The following CFAP47 variants were observed in gnomAD, a reference collection of about 807,000 sequenced individuals.
The protein encoded by CFAP47 is cilia and flagella associated protein 47, also known as cilia- and flagella-associated protein 47.
Under a neutral mutation model 148.1 loss-of-function variants are expected in CFAP47, and 29 were observed. The ratio of observed to expected loss-of-function variants is 0.20; its 90% confidence interval spans 0.15 to 0.27. The LOEUF (loss-of-function observed/expected upper bound fraction) is 0.27, where lower values mean the gene tolerates loss of function less well. CFAP47 is among the 10% of genes least tolerant of loss of function. CFAP47 has a pLI of 1.00. For synonymous variants in CFAP47, 664 were observed against 577.3 expected, an observed-to-expected ratio of 1.15 and a Z score of -2.15; for missense variants, 1,872 against 1,697.5, an observed-to-expected ratio of 1.10 and a Z score of -1.81.
At chrX:36,183,650 A>G (rs1213600313) in intron 40 of CFAP47, among the ~76,000 whole-genome samples, 1 of 112,254 alleles carries the variant, frequency 8.9e-6, no homozygotes, top group East Asian at 2.8e-4. Flanking sequence ...TTTGTAAGCA[A>G]TCAGATACAT....
chrX:36,103,300 C>T (rs1938406060), intron 32 of CFAP47, among the ~76,000 whole-genome samples: 1 of 107,609 alleles, frequency 9.3e-6, no homozygotes, highest in Non-Finnish European at 1.9e-5. Flanking sequence ...TCGCTGTGGG[C>T]AACTGAAGCT....
intron 3 of CFAP47, among the ~76,000 whole-genome samples, chrX:35,943,497 T>A (rs1467125895): frequency 9.0e-6 from 1 of 111,502 alleles, no homozygotes; most frequent in Non-Finnish European, 1.9e-5. Context: ...TAAACATCCA[T>A]GGATCTAGCC....
At chrX:36,221,764 C>T (rs1397746112) in intron 45 of CFAP47, among the ~76,000 whole-genome samples, 2 of 110,940 alleles carry the variant, frequency 1.8e-5, no homozygotes, top group African/African-American at 6.5e-5. Flanking sequence ...AAAAATCCAA[C>T]TTAGAGAAGA....
chrX:36,310,791 G>A (rs1556009775), intron 55 of CFAP47, 42 bp from the exon 56 acceptor site: 6 of 955,487 alleles, frequency 6.3e-6, no homozygotes, highest in Middle Eastern at 2.7e-4. Flanking sequence ...TAAAATATAT[G>A]CAGTTAGGAC....
intron 8 of CFAP47, among the ~76,000 whole-genome samples, chrX:35,965,966 G>A (rs1466940547): frequency 9.1e-6 from 1 of 109,718 alleles, no homozygotes; most frequent in African/African-American, 3.3e-5. Context: ...AATACTCCTT[G>A]GATTTTTGTG....
chrX:36,344,186 T>C (rs1941676710), intron 57 of CFAP47, among the ~76,000 whole-genome samples: 1 of 98,985 alleles, frequency 1.0e-5, no homozygotes, highest in African/African-American at 3.9e-5. Flanking sequence ...CATATGTAAC[T>C]AACCTGCACA....
At chrX:36,217,283 T>G (rs1191291609) in intron 45 of CFAP47, among the ~76,000 whole-genome samples, 2 of 111,769 alleles carry the variant, frequency 1.8e-5, no homozygotes, top group African/African-American at 6.5e-5. Flanking sequence ...CCTAGTTTGT[T>G]TCTGCCAGCT....
chrX:35,989,527 C>G (rs201563675), intron 16 of CFAP47, 78 bp downstream of exon 16: 2 of 1,204,229 alleles, frequency 1.7e-6, no homozygotes. Context: ...ATATAGTTAC[C>G]TATATCTAGA....
chrX:35,994,414 C>A (rs767398899), intron 18 of CFAP47, among the ~76,000 whole-genome samples: 1 of 111,685 alleles, frequency 9.0e-6, no homozygotes, highest in African/African-American at 3.2e-5. Flanking sequence ...TTTGTATTTA[C>A]TCACATTAAA....
At chrX:36,067,579 C>T (rs1937659760) in intron 27 of CFAP47, among the ~76,000 whole-genome samples, 3 of 111,161 alleles carry the variant, frequency 2.7e-5, no homozygotes, top group Admixed American at 9.6e-5. Flanking sequence ...AGGGTTGTTG[C>T]AGGGGTTTCT....
At chrX:36,013,115 C>A (rs1937057778) in intron 21 of CFAP47, among the ~76,000 whole-genome samples, 1 of 111,394 alleles carries the variant, frequency 9.0e-6, no homozygotes, top group Non-Finnish European at 1.9e-5. Context: ...TTTGGAGCTG[C>A]CTGTTTACCA....
intron 6 of CFAP47, among the ~76,000 whole-genome samples, chrX:35,952,488 A>T (rs1205194164): frequency 8.9e-6 from 1 of 112,254 alleles, no homozygotes; most frequent in Non-Finnish European, 1.9e-5. Flanking sequence ...TTGTTTTGTT[A>T]TTAAATTTGA....
chrX:36,063,039 A>G (rs1937607129), intron 26 of CFAP47, among the ~76,000 whole-genome samples: 1 of 111,715 alleles, frequency 9.0e-6, no homozygotes, highest in African/African-American at 3.2e-5. Context: ...TGACCCTCTT[A>G]TTGCCAGGAA....
At chrX:36,217,467 AT>A (rs1398419902) in intron 45 of CFAP47, among the ~76,000 whole-genome samples, 1 of 111,217 alleles carries the variant, frequency 9.0e-6, no homozygotes, top group Non-Finnish European at 1.9e-5. Context: ...GACTCCCCTT[AT>A]TTTAAGCTTG....
At chrX:36,233,741 A>C (rs1390449914) in intron 46 of CFAP47, among the ~76,000 whole-genome samples, 1 of 111,393 alleles carries the variant, frequency 9.0e-6, no homozygotes, top group Non-Finnish European at 1.9e-5. Flanking sequence ...ATGATTTTGC[A>C]GTGGCTGGTA....
Position 36,073,123 on chromosome X carries a change from C to G in CFAP47, c.4466-16C>G. ...CGTCAAGTAGCCCTTTTTTAACAAA[C>G]TAATTTTAATTTTAGGAGTGGAAGT... is the stretch of plus-strand genomic sequence containing the variant. On this transcript the variant is annotated splice_polypyrimidine_tract_variant and intron_variant, in intron 28 of 63. Transcript: ENST00000378653. 1 of 1,162,099 alleles carries G rather than the reference C, an allele frequency of 8.6e-7. No homozygotes were observed. The highest frequency in any genetic ancestry group is 1.2e-6 in the Non-Finnish European group (1 of 853,301).
intron 51 of CFAP47, among the ~76,000 whole-genome samples, chrX:36,288,689 A>G (rs1010777747): frequency 3.6e-5 from 4 of 111,661 alleles, no homozygotes; most frequent in Non-Finnish European, 7.5e-5. Context: ...AGGACAGTTA[A>G]AAACACCGTT....
At chrX:35,928,580 A>G (rs1166479485) in intron 2 of CFAP47, among the ~76,000 whole-genome samples, 1 of 111,068 alleles carries the variant, frequency 9.0e-6, no homozygotes, top group East Asian at 2.8e-4. Context: ...TGGCTTGCAA[A>G]TATGTTCTCC....
intron 21 of CFAP47, among the ~76,000 whole-genome samples, chrX:36,009,926 G>A (rs910763631): frequency 1.8e-5 from 2 of 111,407 alleles, no homozygotes; most frequent in Non-Finnish European, 3.8e-5. Context: ...GTTTTGGCAT[G>A]TGAGAAGTAC....
Sources: gnomAD v4.1 joint callset for allele counts (sites outside exome capture counted in the v4.1 genomes callset) on GRCh38, gnomAD v4.1.1 for gene constraint, MANE v1.5 for transcripts, NCBI Gene and HGNC (gene_info 2026-07-23, HGNC 2026-07-21) for gene names.